BCAS1: variants seen among roughly 807,000 people sequenced by gnomAD.
BCAS1 encodes brain enriched myelin associated protein 1.
A neutral mutation model predicts 65.4 loss-of-function variants in BCAS1; 46 were observed. The ratio of observed to expected loss-of-function variants is 0.70; its 90% confidence interval spans 0.55 to 0.90. BCAS1 has a LOEUF of 0.90. Among genes scored for constraint, BCAS1 ranks in the 40% least tolerant of loss-of-function variants. The probability of loss-of-function intolerance (pLI) is 0.00; values close to 1 mark genes in which losing one functional copy is unlikely to be tolerated. For synonymous variants in BCAS1, 298 were observed against 293.5 expected, an observed-to-expected ratio of 1.02 and a Z score of -0.16; for missense variants, 793 against 771.2, an observed-to-expected ratio of 1.03 and a Z score of -0.33.
At chr20:54,063,249 G>T (rs539886614) in intron 1 of BCAS1, among the ~76,000 whole-genome samples, 2 of 152,296 alleles carry the variant, frequency 1.3e-5, no homozygotes, top group East Asian at 1.9e-4. Context: ...ACTGAGCCTC[G>T]CTGGGCCTCA....
In BCAS1 at chr20:53,992,557, A is replaced by T. The variant is rs1162218132; in HGVS notation, c.1017T>A (p.Asp339Glu). The T allele has an allele frequency of 2.2e-6, 3 of 1,365,444 alleles. No individual in the cohort carries two copies. The highest frequency in any genetic ancestry group is 2.9e-6 in the Non-Finnish European group (3 of 1,021,656). 84.6% of individuals were successfully genotyped at this position (1,365,444 alleles called of 1,614,324 possible). Residue 339 changes from aspartate to glutamate, a missense_variant, in exon 7 of 13, where the codon GAT (aspartate) becomes GAA (glutamate). Physicochemically the swap from Asp to Glu is conservative, Grantham distance 45. Coordinates refer to ENST00000688948, the MANE Select transcript of BCAS1 (RefSeq NM_001366298.2). Reference protein sequence around the residue: ...QARGTKKKHLDSPRLGLAFRK... With the variant: ...QARGTKKKHLESPRLGLAFRK... ...TAAAGGCGAGTCCTAGCCTGGGGCT[A>T]TCCAGGTGCTTTTTCTTGGTGCCTC... is the stretch of plus-strand genomic sequence containing the variant.
intron 8 of BCAS1, among the ~76,000 whole-genome samples, chr20:53,979,143 A>G (rs1461079803): frequency 6.6e-6 from 1 of 152,200 alleles, no homozygotes; most frequent in Non-Finnish European, 1.5e-5. Flanking sequence ...GGGGAGGGGT[A>G]GGAACAACTC....
rs932138751 is a variant in BCAS1, at chr20:53,993,759, G to A, written c.928-1113C>T. ...TCATTGAACTTGACCCTATGACCTC[G>A]GAGCAAATGAATAACTTTATAGGAA... On this transcript the variant is annotated intron_variant, in intron 6 of 12. Transcript: ENST00000688948. Among the ~76,000 whole-genome samples, 4 of 152,128 alleles carry A rather than the reference G, an allele frequency of 2.6e-5. No homozygotes were observed. In the South Asian group the frequency reaches 6.2e-4, roughly 24 times the overall value.
intron 1 of BCAS1, among the ~76,000 whole-genome samples, chr20:54,061,580 C>T (rs1173463763): frequency 6.6e-6 from 1 of 152,082 alleles, no homozygotes; most frequent in African/African-American, 2.4e-5. Context: ...AGTTTTTATT[C>T]CCTGGTAGTA....
At chr20:54,011,295 C>G (rs2091314384) in intron 4 of BCAS1, among the ~76,000 whole-genome samples, 1 of 152,018 alleles carries the variant, frequency 6.6e-6, no homozygotes, top group African/African-American at 2.4e-5. Flanking sequence ...AAAAGAGAAA[C>G]TAGAGAGTGG....
chr20:53,997,250 T>C (rs1353835009), intron 4 of BCAS1, among the ~76,000 whole-genome samples: 3 of 152,258 alleles, frequency 2.0e-5, no homozygotes, highest in Non-Finnish European at 4.4e-5. Flanking sequence ...AGTGCTTTTC[T>C]CAAGTACCAA....
chr20:54,058,104 T>G lies in BCAS1; in HGVS notation c.123A>C (p.Thr41=). 2 of 1,613,816 alleles carry G rather than the reference T, an allele frequency of 1.2e-6. No individual in the cohort carries two copies. The highest frequency in any genetic ancestry group is 1.7e-6 in the Non-Finnish European group (2 of 1,179,940). The change falls in exon 3 of 13, where the codon ACA becomes ACC. Residue 41 remains threonine (T), a synonymous_variant. Coordinates refer to ENST00000688948, the MANE Select transcript of BCAS1 (RefSeq NM_001366298.2). ...ACTGACCTTCCTCTAAGTGCTGAAC[T>G]GTGTGGGTCGACACCACCACTGGAA... ...NGVPVVVSTH[T]VQHLEEVDLG... is the part of the protein sequence containing the mutation.
intron 6 of BCAS1, 34 bp downstream of exon 6, chr20:53,994,978 C>T: frequency 6.3e-7 from 1 of 1,597,580 alleles, no homozygotes; most frequent in African/African-American, 1.4e-5. Flanking sequence ...ATGCGCAAAC[C>T]CAAATATATA....
intron 6 of BCAS1, among the ~76,000 whole-genome samples, chr20:53,994,746 G>T (rs992559772): frequency 6.6e-6 from 1 of 151,954 alleles, no homozygotes; most frequent in Non-Finnish European, 1.5e-5. Context: ...TAAGAAATTG[G>T]TATTGTGATA....
chr20:53,963,141 C>T (rs1001799156), intron 10 of BCAS1, among the ~76,000 whole-genome samples: 2 of 151,596 alleles, frequency 1.3e-5, no homozygotes, highest in Admixed American at 6.6e-5. Context: ...TGAGCCACCG[C>T]GCCTGGCCTC....
chr20:54,003,594 T>A (rs2091113442), intron 4 of BCAS1, among the ~76,000 whole-genome samples: 1 of 151,972 alleles, frequency 6.6e-6, no homozygotes, highest in Admixed American at 6.6e-5. Context: ...GGGGCTTTTG[T>A]GAAATGGCTG....
At chr20:54,021,201 A>T (rs2146035378) in intron 4 of BCAS1, among the ~76,000 whole-genome samples, 1 of 152,242 alleles carries the variant, frequency 6.6e-6, no homozygotes, top group East Asian at 1.9e-4. Context: ...AAGGGCTCTG[A>T]GGATAAATTT....
chr20:54,052,952 G>A (rs2092242568), intron 3 of BCAS1, among the ~76,000 whole-genome samples: 1 of 152,096 alleles, frequency 6.6e-6, no homozygotes, highest in African/African-American at 2.4e-5. Context: ...GATATTTTTG[G>A]GTTCAAATAA....
At chr20:53,956,624 G>A (rs1470054844) in intron 11 of BCAS1, among the ~76,000 whole-genome samples, 2 of 151,506 alleles carry the variant, frequency 1.3e-5, no homozygotes, top group Non-Finnish European at 2.9e-5. Context: ...GGAAACTGAG[G>A]TGCTGACAGA....
chr20:53,946,893 A>G (rs984296460), intron 12 of BCAS1, among the ~76,000 whole-genome samples: 3 of 151,960 alleles, frequency 2.0e-5, no homozygotes, highest in African/African-American at 7.2e-5. Context: ...TATACATGAT[A>G]TCGTATAATA....
chr20:53,958,276 C>T (rs778572021), intron 10 of BCAS1, among the ~76,000 whole-genome samples: 6 of 152,206 alleles, frequency 3.9e-5, no homozygotes, highest in Admixed American at 6.5e-5. Context: ...GTGGTTTTAA[C>T]GGTGCATTTA....
intron 4 of BCAS1, among the ~76,000 whole-genome samples, chr20:54,011,959 A>G (rs140202265): frequency 3.7e-4 from 57 of 152,308 alleles, no homozygotes; most frequent in African/African-American, 1.2e-3. Flanking sequence ...ACAAAAACCT[A>G]TGCATTAATG....
chr20:54,043,529 G>A (rs973988785), intron 3 of BCAS1, among the ~76,000 whole-genome samples: 6 of 152,058 alleles, frequency 3.9e-5, no homozygotes. Context: ...ATTGGCTCAG[G>A]GTTTCCCAGG....
chr20:53,962,072 G>T (rs1439867561), intron 10 of BCAS1, among the ~76,000 whole-genome samples: 1 of 152,182 alleles, frequency 6.6e-6, no homozygotes, highest in Non-Finnish European at 1.5e-5. Context: ...GGTAGGGACA[G>T]GAATTGACCA....
Sources: allele counts gnomAD v4.1 joint callset (sites outside exome capture counted in the v4.1 genomes callset), GRCh38; gene constraint gnomAD v4.1.1; transcripts MANE v1.5; gene names NCBI Gene and HGNC (gene_info 2026-07-23, HGNC 2026-07-21).